DUOX1: variants seen among roughly 807,000 people sequenced by gnomAD.
DUOX1 encodes the protein NADPH thyroid oxidase 1.
DUOX1 carries 134 observed loss-of-function variants against 181.8 expected under a neutral mutation model. That is an observed-to-expected ratio of 0.74 (90% CI 0.64 to 0.85). DUOX1 has a LOEUF of 0.85. Ranked by LOEUF, DUOX1 falls within the 40% of genes least tolerant of loss-of-function variation. The probability of loss-of-function intolerance (pLI) is 0.00; values close to 1 mark genes in which losing one functional copy is unlikely to be tolerated. For synonymous variants in DUOX1, 798 were observed against 832.5 expected (o/e 0.96, Z 0.71); for missense variants, 1,814 against 2,064.4 (o/e 0.88, Z 2.35).
At chr15:45,153,274 C>A in intron 25 of DUOX1, 106 bp from the exon 26 acceptor site, 3 of 680,318 alleles carry the variant, frequency 4.4e-6, no homozygotes, top group Non-Finnish European at 2.7e-6. Flanking sequence ...TCCTAAGGTA[C>A]TTCTCTGGGA....
chr15:45,144,339 A>T, intron 17 of DUOX1, 104 bp downstream of exon 17: 4 of 1,253,826 alleles, frequency 3.2e-6, no homozygotes, highest in Non-Finnish European at 4.5e-6. Flanking sequence ...AATGATAGTT[A>T]CTGTGCAGGA....
Position 45,141,339 on chromosome 15 carries a change from A to G in DUOX1, c.1613A>G (p.Gln538Arg), listed in dbSNP as rs1896485750. ...EIEEIRNTTL[Q>R]DVLVAVINID... ...GAAGAAATCCGAAATACCACCCTGC[A>G]GGACGTGCTGGTCGCTGTTATCAAC... Residue 538 changes from glutamine to arginine, a missense_variant, in exon 14 of 34, where the codon CAG becomes CGG. Physicochemically the swap from Gln to Arg is conservative, Grantham distance 43 (BLOSUM62 1). Transcript: ENST00000389037. The G allele has an allele frequency of 8.7e-6, 14 of 1,614,132 alleles. No individual in the cohort carries two copies. Among genetic ancestry groups the G allele is most frequent in the African/African-American group, 1.3e-5 (1 of 74,948 alleles).
Position 45,142,076 on chromosome 15 carries a change from G to A in DUOX1, c.1786G>A (p.Gly596Arg), listed in dbSNP as rs370633829. ...DYFEGSGFGFGVTIGTLCCFP... is the reference protein window; with the variant it reads ...DYFEGSGFGFRVTIGTLCCFP... ...TTTTGAGGGCAGTGGATTTGGCTTC[G>A]GGGTCACCATCGGGACCCTCTGTTG... Residue 596 changes from glycine (G) to arginine (R), a missense_variant, in exon 15 of 34, where the codon GGG becomes AGG. Coordinates refer to ENST00000389037, the MANE Select transcript of DUOX1 (RefSeq NM_175940.3). 8.2e-5 allele frequency: 133 copies of A among 1,613,924 alleles called. 1 individual carries two copies. Among genetic ancestry groups the A allele is most frequent in the South Asian group, 3.1e-4 (28 of 91,080 alleles).
chr15:45,133,700 C>G (rs1186338647), intron 2 of DUOX1, among the ~76,000 whole-genome samples, 164 bp from the exon 3 acceptor site: 1 of 152,234 alleles, frequency 6.6e-6, no homozygotes, highest in East Asian at 1.9e-4. Flanking sequence ...TTGGACACTA[C>G]TTTGCCCTGG....
chr15:45,142,803 G>A (rs1448313002), intron 15 of DUOX1, among the ~76,000 whole-genome samples: 1 of 150,822 alleles, frequency 6.6e-6, no homozygotes, highest in Non-Finnish European at 1.5e-5. Context: ...GAGGAAGGGA[G>A]GGAGGAAGAG....
At chr15:45,155,560 A>C (rs1896949781) in intron 27 of DUOX1, 1 of 485,684 alleles carries the variant, frequency 2.1e-6, no homozygotes, top group African/African-American at 2.4e-5. Flanking sequence ...ACAGAGCAAG[A>C]CTCCATCTCA....
At chr15:45,142,164 C>A in intron 15 of DUOX1, 52 bp downstream of exon 15, 1 of 1,582,056 alleles carries the variant, frequency 6.3e-7, no homozygotes. Flanking sequence ...CTAGGGGATG[C>A]AGTTTGGGTG....
At chr15:45,146,549 G>T (rs1363011443) in intron 18 of DUOX1, among the ~76,000 whole-genome samples, 35 of 152,194 alleles carry the variant, frequency 2.3e-4, no homozygotes, top group Admixed American at 2.3e-3. Flanking sequence ...AACCACTTTT[G>T]TTGATCTCGC....
chr15:45,164,852 T>C lies in DUOX1; in HGVS notation c.4607T>C (p.Ile1536Thr). The change falls in exon 34 of 34, where the codon ATC (isoleucine) becomes ACC (threonine). Residue 1536 changes from isoleucine (I) to threonine (T), a missense_variant. Physicochemically the swap from Ile to Thr is moderately conservative, Grantham distance 89. Transcript: ENST00000389037. ...TKNVEKACQL[I>T]NRQDRTHFSH... is the part of the protein sequence containing the mutation. ...AATGTGGAAAAGGCCTGTCAGCTCA[T>C]CAACAGGCAGGACCGGACTCACTTC... 1 of 1,614,038 alleles carries C rather than the reference T, an allele frequency of 6.2e-7. No individual in the cohort carries two copies. The highest frequency in any genetic ancestry group is 2.2e-5 in the East Asian group (1 of 44,878).
rs757771276 is a variant in DUOX1 at position 45,153,369 on chromosome 15, C to T, written c.3425-11C>T. 4.3e-6 allele frequency: 7 copies of T among 1,613,066 alleles called. No individual in the cohort carries two copies. Among genetic ancestry groups the T allele is most frequent in the Non-Finnish European group, 8.5e-7 (1 of 1,179,208 alleles). On this transcript the variant is annotated splice_polypyrimidine_tract_variant and intron_variant, in intron 25 of 33. Transcript: ENST00000389037. ...TGCCCCAAGCTCACCACTTGGTCTG[C>T]TCTTCCTTAGTCTTACACAGTGTGG...
At chr15:45,147,740 G>C in intron 19 of DUOX1, 82 bp downstream of exon 19, 3 of 1,593,114 alleles carry the variant, frequency 1.9e-6, no homozygotes, top group East Asian at 4.5e-5. Flanking sequence ...CAGGTCTCCA[G>C]CCATGGCAGA....
At chr15:45,162,030 C>T (rs931310359) in intron 30 of DUOX1, 60 bp downstream of exon 30, 70 of 1,523,260 alleles carry the variant, frequency 4.6e-5, no homozygotes, top group East Asian at 2.7e-4. Context: ...GGCTTTGGCC[C>T]GGCAGCACTA....
Position 45,147,678 on chromosome 15 carries a change from T to C in DUOX1, c.2548+20T>C. 3 of 1,613,364 alleles carry C rather than the reference T, an allele frequency of 1.9e-6. No homozygotes were observed. The highest frequency in any genetic ancestry group is 1.3e-5 in the African/African-American group (1 of 75,054). Reference sequence around the variant, plus strand: ...TGAAAGGTGAGGGAGGAGGGAATGATAGGAGAGGCTGGACAGGGGCTGATC... The same window carrying C: ...TGAAAGGTGAGGGAGGAGGGAATGACAGGAGAGGCTGGACAGGGGCTGATC... On this transcript the variant is annotated intron_variant, in intron 19 of 33. Coordinates refer to ENST00000389037, the MANE Select transcript of DUOX1 (RefSeq NM_175940.3).
At position 45,147,307 on chromosome 15, in the gene DUOX1, T is replaced by A. The variant is rs1896679332; in HGVS notation, c.2323-126T>A. ...ACAAACATGGCCTCAGGCACCACCA[T>A]AAGGCCTCCTAGCAGAGGGGGTCCT... On this transcript the variant is annotated intron_variant, in intron 18 of 33. Transcript: ENST00000389037. 116 of 1,267,834 alleles carry A rather than the reference T, an allele frequency of 9.1e-5. 7 individuals are homozygous for A. The South Asian group carries it at 1.7e-3, about 18-fold the overall frequency. The allele number at this position is 1,267,834 out of a possible 1,614,324, so 78.5% of individuals were successfully genotyped here. A position where few individuals can be genotyped will look rare whatever the true frequency, so the allele number is the denominator to read the frequency against.
At position 45,143,262 on chromosome 15, in the gene DUOX1, G is replaced by T. The variant is rs774785917; in HGVS notation, c.1895G>T (p.Arg632Leu). ...TTCAAGAGGCTCCAGGGCCAGGACC[G>T]CCAGAGCATCGTGTCTGAGAAGCTC... The part of the protein sequence containing the change: ...RNFKRLQGQD[R>L]QSIVSEKLVG... Residue 632 changes from arginine (R) to leucine (L), a missense_variant, in exon 16 of 34, where the codon CGC becomes CTC. Arg to Leu is a moderately radical substitution (Grantham distance 102). Transcript: ENST00000389037. 2.5e-6 allele frequency: 4 copies of T among 1,613,994 alleles called. No homozygotes were observed. Among genetic ancestry groups the T allele is most frequent in the Non-Finnish European group, 3.4e-6 (4 of 1,180,014 alleles).
chr15:45,140,822 C>A, intron 12 of DUOX1, 73 bp from the exon 13 acceptor site: 1 of 1,490,446 alleles, frequency 6.7e-7, no homozygotes, highest in Non-Finnish European at 9.3e-7. Context: ...GGGGCTAATC[C>A]CTGGGAGCCA....
intron 15 of DUOX1, among the ~76,000 whole-genome samples, chr15:45,142,723 CA>C (rs1429048979): frequency 7.5e-6 from 1 of 134,080 alleles, no homozygotes; most frequent in Non-Finnish European, 1.6e-5. Context: ...GAAACTCTGT[CA>C]AAAAAAGAAA....
chr15:45,138,106 G>GTA, intron 10 of DUOX1, 92 bp downstream of exon 10: 2 of 1,041,856 alleles, frequency 1.9e-6, no homozygotes, highest in East Asian at 6.0e-5. Context: ...GTGTGTGTGT[G>GTA]AGTGCATGGT....
chr15:45,155,985 G>A, intron 28 of DUOX1, 56 bp downstream of exon 28: 1 of 1,601,564 alleles, frequency 6.2e-7, no homozygotes, highest in Non-Finnish European at 8.5e-7. Flanking sequence ...ACATTTCCAG[G>A]GAGGCAAGGA....
Sources: gnomAD v4.1 joint callset for allele counts (sites outside exome capture counted in the v4.1 genomes callset) on GRCh38, gnomAD v4.1.1 for gene constraint, MANE v1.5 for transcripts, NCBI Gene and HGNC (gene_info 2026-07-23, HGNC 2026-07-21) for gene names.